Variants in TUSC3 observed in about 807,000 individuals in gnomAD.
The protein encoded by TUSC3 is tumor suppressor candidate 3.
Under a neutral mutation model 44.8 loss-of-function variants are expected in TUSC3, and 45 were observed. That is an observed-to-expected ratio of 1.00 (90% CI 0.79 to 1.29). TUSC3 has a LOEUF of 1.29. Ranked by LOEUF, TUSC3 falls within the 50% of genes most tolerant of loss-of-function variation. The pLI is 0.00. For missense variants in TUSC3, 519 were observed against 437.9 expected (o/e 1.19, Z -1.65); for synonymous variants, 212 against 152.9 (o/e 1.39, Z -2.85).
chr8:15,681,957 T>C (rs1032012406), intron 6 of TUSC3, among the ~76,000 whole-genome samples: 1 of 152,192 alleles, frequency 6.6e-6, no homozygotes, highest in African/African-American at 2.4e-5. Flanking sequence ...TTAGTTACTA[T>C]GTAATTTTGT....
intron 1 of TUSC3, among the ~76,000 whole-genome samples, chr8:15,477,027 C>T (rs1019224556): frequency 3.3e-5 from 5 of 152,088 alleles, no homozygotes; most frequent in African/African-American, 1.2e-4. Flanking sequence ...GGAAAGCAAC[C>T]CATCAGAGGT....
chr8:15,446,946 A>T (rs762209183), intron 1 of TUSC3, among the ~76,000 whole-genome samples: 3 of 152,048 alleles, frequency 2.0e-5, no homozygotes, highest in Admixed American at 6.6e-5. Context: ...TAAAAATGCA[A>T]TATTAAAATG....
At chr8:15,514,029 C>A (rs1236116650) in intron 2 of TUSC3, among the ~76,000 whole-genome samples, 2 of 152,148 alleles carry the variant, frequency 1.3e-5, no homozygotes, top group African/African-American at 4.8e-5. Flanking sequence ...GGAACATAAC[C>A]AGTACTTTTC....
At chr8:15,430,522 G>A (rs139240777) in intron 1 of TUSC3, among the ~76,000 whole-genome samples, 21,408 of 146,284 alleles carry the variant, frequency 0.15, 1,935 homozygotes, top group Middle Eastern at 0.22. Flanking sequence ...AGCCAATATC[G>A]TACTGAATGG....
the TUSC3 span, among the ~76,000 whole-genome samples, chr8:15,812,607 C>G: frequency 6.6e-6 from 1 of 152,290 alleles, no homozygotes; most frequent in African/African-American, 2.4e-5. Context: ...ACGGCTGCCA[C>G]TTGTCCCAAA....
intron 6 of TUSC3, among the ~76,000 whole-genome samples, chr8:15,699,912 A>G (rs1477207): frequency 0.53 from 80,158 of 152,052 alleles, 22,965 homozygotes; most frequent in Non-Finnish European, 0.65. Flanking sequence ...AAGCCTCTAT[A>G]TAATGTCTTG....
Position 15,743,609 on chromosome 8 carries a change from C to A in TUSC3, c.934C>A (p.Arg312=). ...ATSKGDVGKR[R]IICLVGLGLV... ...TTCGAAAGGCGATGTTGGAAAAAGA[C>A]GGAGTAAGTCTCTGTGTTGCCATTT... The change falls in exon 8 of 11, where the codon CGG becomes AGG. Residue 312 remains arginine (R), a synonymous_variant. Coordinates refer to ENST00000503731, the MANE Select transcript of TUSC3 (RefSeq NM_006765.4). The A allele has an allele frequency of 6.2e-7, 1 of 1,613,790 alleles. No individual in the cohort carries two copies. The highest frequency in any genetic ancestry group is 8.5e-7 in the Non-Finnish European group (1 of 1,179,804).
chr8:15,553,850 A>G (rs555734521), intron 1 of TUSC3, among the ~76,000 whole-genome samples: 2 of 151,784 alleles, frequency 1.3e-5, no homozygotes, highest in African/African-American at 4.8e-5. Context: ...GAAGTGGAGA[A>G]CAGCTGACAG....
intron 1 of TUSC3, among the ~76,000 whole-genome samples, chr8:15,474,909 A>G (rs1264929478): frequency 6.6e-6 from 1 of 152,174 alleles, no homozygotes; most frequent in Non-Finnish European, 1.5e-5. Context: ...TAGTATTTAA[A>G]TTACTTGGCT....
In TUSC3 at chr8:15,560,502, A is replaced by G. The variant is rs1438992478; in HGVS notation, c.138+19934A>G. ...GTGTCTTGGAGTTGCTCTTCTCGAGAAGTATCTTTGTGGCATTCTCTGTGT... is the reference window on the plus strand; with the variant it reads ...GTGTCTTGGAGTTGCTCTTCTCGAGGAGTATCTTTGTGGCATTCTCTGTGT... On this transcript the variant is annotated intron_variant, in intron 1 of 10. Transcript: ENST00000503731. Among the ~76,000 whole-genome samples the G allele has an allele frequency of 1.9e-3, 284 of 150,050 alleles. 2 individuals carry two copies. Among genetic ancestry groups the G allele is most frequent in the African/African-American group, 4.9e-3 (200 of 41,186 alleles).
intron 2 of TUSC3, among the ~76,000 whole-genome samples, chr8:15,493,162 G>A (rs1233970264): frequency 6.6e-6 from 1 of 152,198 alleles, no homozygotes; most frequent in Non-Finnish European, 1.5e-5. Flanking sequence ...TATCCAAAGT[G>A]ACAAAGTGAA....
chr8:15,657,533 T>G (rs978581669), intron 3 of TUSC3, among the ~76,000 whole-genome samples: 1 of 152,226 alleles, frequency 6.6e-6, no homozygotes, highest in Non-Finnish European at 1.5e-5. Flanking sequence ...AGAATGGCTT[T>G]TACTGTCCAT....
chr8:15,467,727 T>A (rs980212367), intron 1 of TUSC3, among the ~76,000 whole-genome samples: 1 of 152,194 alleles, frequency 6.6e-6, no homozygotes, highest in African/African-American at 2.4e-5. Flanking sequence ...GACCATCTAA[T>A]GTTCTTGGAT....
chr8:15,581,852 G>C lies in TUSC3; in HGVS notation c.139-41228G>C, dbSNP rs1357608182. On this transcript the variant is annotated intron_variant, in intron 1 of 10. Coordinates refer to ENST00000503731, the MANE Select transcript of TUSC3 (RefSeq NM_006765.4). ...GAGCTGTGGTGGGCTCCACCCAGTT[G>C]GAGCTTCCCGTTTACCTAATCAAGC... 7.1e-5 allele frequency among the ~76,000 whole-genome samples: 7 copies of C among 98,646 alleles called. 1 individual carries two copies. Among genetic ancestry groups the C allele is most frequent in the Admixed American group, 1.9e-4 (2 of 10,408 alleles). The allele number at this position is 98,646 out of a possible 152,430, so 64.7% of individuals were successfully genotyped here.
chr8:15,454,344 A>G (rs998082), intron 1 of TUSC3, among the ~76,000 whole-genome samples: 86,798 of 152,090 alleles, frequency 0.57, 29,078 homozygotes, highest in Non-Finnish European at 0.73. Context: ...TATGCCCCTC[A>G]GTTGAATTCT....
In TUSC3 at chr8:15,593,891, A is replaced by AT. The variant is rs1803958101; in HGVS notation, c.139-29187dup. 2.0e-5 allele frequency among the ~76,000 whole-genome samples: 3 copies of AT among 152,052 alleles called. No individual in the cohort carries two copies. In the South Asian group the frequency reaches 6.2e-4, roughly 31 times the overall value. ...TTCTTCTTCACCAATCAGAATGTTAATTGTGAGGATCTGCTATAAGCATTA... is the reference window on the plus strand; with the variant it reads ...TTCTTCTTCACCAATCAGAATGTTAATTTGTGAGGATCTGCTATAAGCATTA... On this transcript the variant is annotated intron_variant, in intron 1 of 10. Coordinates refer to ENST00000503731, the MANE Select transcript of TUSC3 (RefSeq NM_006765.4).
intron 1 of TUSC3, among the ~76,000 whole-genome samples, chr8:15,542,170 G>C (rs552133357): frequency 3.9e-4 from 60 of 151,944 alleles, no homozygotes; most frequent in African/African-American, 1.4e-3. Context: ...TGGAAGGGTG[G>C]GACAACTCAA....
chr8:15,811,470 T>C, the TUSC3 span, among the ~76,000 whole-genome samples: 2 of 152,104 alleles, frequency 1.3e-5, no homozygotes, highest in African/African-American at 4.8e-5. Context: ...CTGCCGACAT[T>C]TCACTGACCA....
chr8:15,776,153 A>C, the TUSC3 span, among the ~76,000 whole-genome samples: 36 of 152,088 alleles, frequency 2.4e-4, no homozygotes, highest in Non-Finnish European at 2.9e-5. Flanking sequence ...AATTGCTTTT[A>C]TATCAAACAC....
Sources: allele counts gnomAD v4.1 joint callset (sites outside exome capture counted in the v4.1 genomes callset), GRCh38; gene constraint gnomAD v4.1.1; transcripts MANE v1.5; gene names NCBI Gene and HGNC (gene_info 2026-07-23, HGNC 2026-07-21).